BMERB1: variants seen among roughly 807,000 people sequenced by gnomAD.
The protein encoded by BMERB1 is bMERB domain-containing protein 1.
BMERB1 carries 12 observed loss-of-function variants against 23.6 expected under a neutral mutation model. The ratio of observed to expected loss-of-function variants is 0.51; its 90% confidence interval spans 0.33 to 0.82. BMERB1 has a LOEUF of 0.82. BMERB1 is among the 40% of genes least tolerant of loss of function. The pLI is 0.03. For synonymous variants in BMERB1, 122 were observed against 96.6 expected (o/e 1.26, Z -1.54); for missense variants, 247 against 255.4 (o/e 0.97, Z 0.22).
intron 1 of BMERB1, among the ~76,000 whole-genome samples, chr16:15,464,312 TAAA>T (rs528828210): frequency 7.7e-5 from 8 of 103,980 alleles, no homozygotes; most frequent in Admixed American, 1.1e-4. Flanking sequence ...GACTTCATCT[TAAA>T]AAAAAAAAAA....
chr16:15,579,772 G>GA (rs1299063772), intron 3 of BMERB1, among the ~76,000 whole-genome samples: 1 of 151,904 alleles, frequency 6.6e-6, no homozygotes, highest in East Asian at 1.9e-4. Context: ...TCACCAAAGG[G>GA]AAAAAAACAA....
intron 3 of BMERB1, among the ~76,000 whole-genome samples, chr16:15,570,735 T>TA (rs1288042918): frequency 6.6e-6 from 1 of 150,924 alleles, no homozygotes; most frequent in African/African-American, 2.5e-5. Flanking sequence ...TGATTGTACT[T>TA]ATAGCTATTT....
intron 4 of BMERB1, among the ~76,000 whole-genome samples, chr16:15,582,934 C>G (rs986819671): frequency 1.3e-5 from 2 of 152,182 alleles, no homozygotes; most frequent in African/African-American, 2.4e-5. Flanking sequence ...GGTCACATAC[C>G]TACCTCTGGG....
chr16:15,474,314 A>G (rs759051630), intron 1 of BMERB1, among the ~76,000 whole-genome samples: 17 of 152,030 alleles, frequency 1.1e-4, no homozygotes, highest in Non-Finnish European at 1.8e-4. Context: ...TTCTTCAAAT[A>G]ATTTTTCAGT....
chr16:15,434,960 G>A (rs2050875518), intron 1 of BMERB1, among the ~76,000 whole-genome samples: 1 of 152,260 alleles, frequency 6.6e-6, no homozygotes, highest in Non-Finnish European at 1.5e-5. Context: ...CCTCCGGGCT[G>A]AGCCTCACTG....
At chr16:15,483,735 G>A (rs1323371090) in intron 1 of BMERB1, among the ~76,000 whole-genome samples, 1 of 152,034 alleles carries the variant, frequency 6.6e-6, no homozygotes, top group Admixed American at 6.6e-5. Flanking sequence ...ATGTAAACTT[G>A]GGCAAGTTAT....
At chr16:15,538,754 T>G (rs1301049468) in intron 2 of BMERB1, among the ~76,000 whole-genome samples, 1 of 152,190 alleles carries the variant, frequency 6.6e-6, no homozygotes, top group Non-Finnish European at 1.5e-5. Context: ...CACTATTTGG[T>G]TTTTCTCTTT....
intron 1 of BMERB1, among the ~76,000 whole-genome samples, chr16:15,478,460 CT>C (rs1011003817): frequency 6.6e-6 from 1 of 152,122 alleles, no homozygotes; most frequent in African/African-American, 2.4e-5. Context: ...CACGCCTGGC[CT>C]TTTTCTCTAG....
chr16:15,505,466 G>A (rs1472277373), intron 1 of BMERB1, among the ~76,000 whole-genome samples: 2 of 151,742 alleles, frequency 1.3e-5, no homozygotes, highest in African/African-American at 4.8e-5. Flanking sequence ...ATAGTATTTA[G>A]CAAGAATTTA....
intron 2 of BMERB1, chr16:15,533,039 T>A (rs1270166664): frequency 2.2e-6 from 1 of 455,700 alleles, no homozygotes; most frequent in Non-Finnish European, 4.4e-6. Context: ...GGTGGCCTCA[T>A]CTGTTAAATA....
intron 1 of BMERB1, among the ~76,000 whole-genome samples, chr16:15,435,095 C>T (rs1044106966): frequency 6.6e-6 from 1 of 152,232 alleles, no homozygotes. Context: ...GGAGGAGGAT[C>T]CTCTCTCCGC....
At chr16:15,569,759 C>G (rs2285049) in intron 3 of BMERB1, among the ~76,000 whole-genome samples, 1,637 of 152,234 alleles carry the variant, frequency 0.011, 34 homozygotes, top group East Asian at 0.09. Flanking sequence ...AAAGGCTGAT[C>G]TTAGATTCTG....
intron 1 of BMERB1, among the ~76,000 whole-genome samples, chr16:15,506,643 C>G (rs1226645955): frequency 6.6e-6 from 1 of 151,982 alleles, no homozygotes; most frequent in Non-Finnish European, 1.5e-5. Flanking sequence ...CCTAACCAAC[C>G]ACCTGCATCC....
chr16:15,466,537 A>G (rs2051182086), intron 1 of BMERB1, among the ~76,000 whole-genome samples: 1 of 151,596 alleles, frequency 6.6e-6, no homozygotes, highest in Non-Finnish European at 1.5e-5. Context: ...AAGACTTTTT[A>G]TTTTGAGATT....
intron 2 of BMERB1, among the ~76,000 whole-genome samples, chr16:15,527,693 C>T (rs141336547): frequency 1.3e-5 from 2 of 152,198 alleles, no homozygotes; most frequent in African/African-American, 2.4e-5. Context: ...CTGAGAAAGA[C>T]AGGCAGGGGA....
chr16:15,577,339 G>A (rs952116740), intron 3 of BMERB1: 1 of 152,146 alleles, frequency 6.6e-6, no homozygotes, highest in Non-Finnish European at 1.5e-5. Context: ...AAACCTTACC[G>A]AGGACTTCCT....
intron 2 of BMERB1, among the ~76,000 whole-genome samples, chr16:15,560,980 G>A (rs1190293038): frequency 3.8e-5 from 4 of 105,892 alleles, no homozygotes; most frequent in African/African-American, 8.4e-5. Flanking sequence ...TTTTTGAGAC[G>A]GAGTCTCGCT....
intron 1 of BMERB1, among the ~76,000 whole-genome samples, chr16:15,484,854 C>T (rs971820152): frequency 2.4e-4 from 36 of 152,310 alleles, no homozygotes; most frequent in African/African-American, 7.9e-4. Flanking sequence ...ACAAGGAAAC[C>T]ACTTACCCAT....
At chr16:15,556,156 C>T (rs571222497) in intron 2 of BMERB1, among the ~76,000 whole-genome samples, 13 of 149,236 alleles carry the variant, frequency 8.7e-5, no homozygotes, top group Middle Eastern at 3.4e-3. Context: ...ACAGCCTGGA[C>T]GACAAGAGCG....
Sources: allele counts gnomAD v4.1 joint callset (sites outside exome capture counted in the v4.1 genomes callset), GRCh38; gene constraint gnomAD v4.1.1; transcripts MANE v1.5; gene names NCBI Gene and HGNC (gene_info 2026-07-23, HGNC 2026-07-21).